The following TRMT11 variants were observed in gnomAD, a reference collection of about 807,000 sequenced individuals.
TRMT11 encodes the protein tRNA (guanine(10)-N(2))-methyltransferase TRMT11.
A neutral mutation model predicts 62.8 loss-of-function variants in TRMT11; 53 were observed. That is an observed-to-expected ratio of 0.84 (90% CI 0.68 to 1.06). TRMT11 has a LOEUF of 1.06. TRMT11 is among the 50% of genes least tolerant of loss of function. The pLI is 0.00. For missense variants in TRMT11, 556 were observed against 553.4 expected (o/e 1.00, Z -0.05); for synonymous variants, 188 against 190.3 (o/e 0.99, Z 0.10).
intron 21 of TRMT11, among the ~76,000 whole-genome samples, chr6:126,151,490 A>C (rs1486627633): frequency 6.6e-6 from 1 of 152,004 alleles, no homozygotes; most frequent in Non-Finnish European, 1.5e-5. Flanking sequence ...TCTTACATAA[A>C]ATTGTTAATT....
At chr6:125,997,535 T>C (rs1484934312) in intron 3 of TRMT11, among the ~76,000 whole-genome samples, 1 of 152,242 alleles carries the variant, frequency 6.6e-6, no homozygotes, top group African/African-American at 2.4e-5. Context: ...CATGACAGAG[T>C]ATCACTCTGT....
At chr6:126,097,762 C>T (rs372507930) in intron 17 of TRMT11, among the ~76,000 whole-genome samples, 8 of 151,868 alleles carry the variant, frequency 5.3e-5, no homozygotes, top group African/African-American at 1.7e-4. Context: ...TTGTTTAAGC[C>T]CTGTATTCCT....
intron 17 of TRMT11, among the ~76,000 whole-genome samples, chr6:126,070,552 G>A (rs991406295): frequency 6.6e-6 from 1 of 152,148 alleles, no homozygotes; most frequent in African/African-American, 2.4e-5. Flanking sequence ...TCCCGTTAGT[G>A]GGAGGGTTTT....
At chr6:126,176,416 AT>A (rs1455546731), upstream of TRMT11, among the ~76,000 whole-genome samples, 16,783 of 152,188 alleles carry the variant, frequency 0.11, 3,072 homozygotes, top group African/African-American at 0.38. Context: ...GGAAATAACT[AT>A]AGTCAGCTCT....
intron 17 of TRMT11, among the ~76,000 whole-genome samples, chr6:126,105,931 A>G (rs576007770): frequency 7.9e-5 from 12 of 152,246 alleles, no homozygotes; most frequent in African/African-American, 2.4e-4. Flanking sequence ...AAAGTGTTGA[A>G]TTAATATGGA....
chr6:126,193,388 T>G (rs1019938863), intron 1 of TRMT11, among the ~76,000 whole-genome samples: 1 of 151,882 alleles, frequency 6.6e-6, no homozygotes, highest in Non-Finnish European at 1.5e-5. Flanking sequence ...TCTGCTCTGA[T>G]CTCTAATATT....
intron 21 of TRMT11, among the ~76,000 whole-genome samples, chr6:126,121,435 C>A (rs1244678251): frequency 1.3e-5 from 2 of 152,082 alleles, no homozygotes; most frequent in Admixed American, 1.3e-4. Flanking sequence ...ACTTAAGTTA[C>A]CAGGGTGCTC....
upstream of TRMT11, among the ~76,000 whole-genome samples, chr6:126,176,172 T>C (rs9321062): frequency 6.6e-6 from 1 of 152,178 alleles, no homozygotes; most frequent in African/African-American, 2.4e-5. Flanking sequence ...ATGATGAAGT[T>C]TGGATTAAGC....
chr6:126,078,136 TAA>T (rs1777072316), intron 17 of TRMT11, among the ~76,000 whole-genome samples: 1 of 152,180 alleles, frequency 6.6e-6, no homozygotes, highest in African/African-American at 2.4e-5. Flanking sequence ...TCCATTCTTA[TAA>T]AAGAGACCTC....
downstream of TRMT11, among the ~76,000 whole-genome samples, chr6:126,208,664 G>A (rs183741380): frequency 2.9e-3 from 441 of 152,274 alleles, no homozygotes; most frequent in Middle Eastern, 3.4e-3. Context: ...TGTTACATCC[G>A]TTATCTCATT....
chr6:125,989,729 A>C (rs1044989185), intron 1 of TRMT11, among the ~76,000 whole-genome samples: 12 of 151,600 alleles, frequency 7.9e-5, no homozygotes, highest in African/African-American at 2.9e-4. Flanking sequence ...TCTTCCAAAA[A>C]CTCTGTTCTG....
chr6:126,045,626 G>A lies in TRMT11; in HGVS notation c.*1369+4781G>A, dbSNP rs528337715. Among the ~76,000 whole-genome samples, 176 of 152,254 alleles carry A rather than the reference G, an allele frequency of 1.2e-3. 2 individuals carry two copies. Among genetic ancestry groups the A allele is most frequent in the African/African-American group, 3.7e-3 (152 of 41,552 alleles). ...GTTTTTTGCTAACCCTTTTCTGGGCGTTTGGAGAGGTGTTTCCTCACCAGT... is the reference window on the plus strand; with the variant it reads ...GTTTTTTGCTAACCCTTTTCTGGGCATTTGGAGAGGTGTTTCCTCACCAGT... On this transcript the variant is annotated intron_variant and NMD_transcript_variant, in intron 16 of 22. Transcript: ENST00000648977.
At chr6:126,126,505 A>G (rs1321469846) in intron 21 of TRMT11, among the ~76,000 whole-genome samples, 1 of 152,078 alleles carries the variant, frequency 6.6e-6, no homozygotes, top group African/African-American at 2.4e-5. Flanking sequence ...CTTGGTCTAC[A>G]GCCTCCTCTG....
At chr6:126,139,101 T>C (rs1300516197) in intron 21 of TRMT11, among the ~76,000 whole-genome samples, 1 of 152,006 alleles carries the variant, frequency 6.6e-6, no homozygotes, top group Non-Finnish European at 1.5e-5. Context: ...CTGGATTAAG[T>C]AATAATTCTA....
At chr6:126,247,500 A>C in the TRMT11 span, among the ~76,000 whole-genome samples, 5 of 137,566 alleles carry the variant, frequency 3.6e-5, no homozygotes, top group African/African-American at 8.4e-5. Context: ...TAAAATACCT[A>C]TCTCTCTCTA....
At chr6:126,015,402 A>AT (rs113670790) in intron 11 of TRMT11, among the ~76,000 whole-genome samples, 1 of 151,294 alleles carries the variant, frequency 6.6e-6, no homozygotes, top group African/African-American at 2.4e-5. Context: ...AATTTTTTGT[A>AT]TTTTTTTAGT....
intron 11 of TRMT11, among the ~76,000 whole-genome samples, chr6:126,019,300 C>A (rs570340323): frequency 6.6e-6 from 1 of 152,158 alleles, no homozygotes; most frequent in East Asian, 1.9e-4. Flanking sequence ...AAGATCGAGT[C>A]AAAAAAGATA....
the TRMT11 span, among the ~76,000 whole-genome samples, chr6:126,239,201 A>G: frequency 1.3e-5 from 2 of 152,120 alleles, no homozygotes; most frequent in African/African-American, 4.8e-5. Flanking sequence ...CATTTAGCCT[A>G]TTTACATTTA....
upstream of TRMT11, among the ~76,000 whole-genome samples, chr6:126,172,295 A>G (rs2128236644): frequency 6.6e-6 from 1 of 152,132 alleles, no homozygotes; most frequent in East Asian, 1.9e-4. Flanking sequence ...GGAGGTACTT[A>G]GAATAAGATG....
Sources: gnomAD v4.1 joint callset for allele counts (sites outside exome capture counted in the v4.1 genomes callset) on GRCh38, gnomAD v4.1.1 for gene constraint, MANE v1.5 for transcripts, NCBI Gene and HGNC (gene_info 2026-07-23, HGNC 2026-07-21) for gene names.